ADGRL4: variants seen among roughly 807,000 people sequenced by gnomAD.
ADGRL4 encodes adhesion G protein-coupled receptor L4, also known as EGF, latrophilin and seven transmembrane domain containing 1.
A neutral mutation model predicts 74.8 loss-of-function variants in ADGRL4; 90 were observed. The observed-to-expected ratio is 1.20, with a 90% confidence interval of 1.02 to 1.43. The LOEUF is 1.43. Ranked by LOEUF, ADGRL4 falls within the 40% of genes most tolerant of loss-of-function variation. The pLI, the probability that ADGRL4 is intolerant of heterozygous loss-of-function variation, is 0.00. For synonymous variants in ADGRL4, 311 were observed against 279.2 expected (o/e 1.11, Z -1.14); for missense variants, 881 against 814.3 (o/e 1.08, Z -1.00).
chr1:78,946,190 A>T (rs909052327), intron 3 of ADGRL4, 84 bp downstream of exon 3: 4 of 1,088,230 alleles, frequency 3.7e-6, no homozygotes, highest in Non-Finnish European at 5.1e-6. Flanking sequence ...GGTCTGGCAG[A>T]ATTTGGTTTG....
rs762025551 is a variant in ADGRL4 at position 78,939,167 on chromosome 1, A to C, written c.396+21T>G. ...AAACCAAAATGTCAAAATAAAATAA[A>C]TTGTTAACTGTTCTACTTACTTTTG... On this transcript the variant is annotated intron_variant, in intron 4 of 14. Coordinates refer to ENST00000370742, the MANE Select transcript of ADGRL4 (RefSeq NM_022159.4). 6.7e-5 allele frequency: 103 copies of C among 1,539,398 alleles called. 1 individual carries two copies. The South Asian group carries it at 1.3e-3, about 19-fold the overall frequency.
At chr1:78,967,851 T>C (rs1017983165) in intron 2 of ADGRL4, among the ~76,000 whole-genome samples, 5 of 150,188 alleles carry the variant, frequency 3.3e-5, no homozygotes, top group Non-Finnish European at 5.9e-5. Flanking sequence ...TAATAACTTA[T>C]GGTGATCTGG....
At chr1:78,983,406 A>C (rs934419860) in intron 2 of ADGRL4, among the ~76,000 whole-genome samples, 2 of 151,760 alleles carry the variant, frequency 1.3e-5, no homozygotes, top group Admixed American at 1.3e-4. Flanking sequence ...GGTTCTATTA[A>C]AAAAGACTCA....
intron 2 of ADGRL4, among the ~76,000 whole-genome samples, chr1:78,966,839 T>G (rs1410233619): frequency 6.6e-6 from 1 of 151,886 alleles, no homozygotes; most frequent in Non-Finnish European, 1.5e-5. Context: ...AGCAGTTAAC[T>G]TTTAAGCTAG....
intron 7 of ADGRL4, among the ~76,000 whole-genome samples, chr1:78,932,040 G>A (rs1649253874): frequency 6.6e-6 from 1 of 151,386 alleles, no homozygotes; most frequent in South Asian, 2.1e-4. Flanking sequence ...AATAAACAAG[G>A]ATAATCAGGA....
chr1:79,000,313 T>C (rs1650815127), intron 2 of ADGRL4, among the ~76,000 whole-genome samples: 1 of 152,196 alleles, frequency 6.6e-6, no homozygotes, highest in Non-Finnish European at 1.5e-5. Context: ...ACCTGATTAA[T>C]TCTTGGTAAT....
intron 2 of ADGRL4, among the ~76,000 whole-genome samples, chr1:78,978,363 T>C (rs1219767829): frequency 1.3e-5 from 2 of 151,944 alleles, no homozygotes; most frequent in Non-Finnish European, 2.9e-5. Context: ...GTTTTGTAAA[T>C]GTATTGTCTA....
chr1:78,919,607 C>T (rs1263461671), intron 10 of ADGRL4, among the ~76,000 whole-genome samples: 1 of 151,886 alleles, frequency 6.6e-6, no homozygotes, highest in Admixed American at 6.6e-5. Flanking sequence ...CCTCTCTCTT[C>T]CCATTTGCTC....
chr1:78,940,559 G>A (rs943269640), intron 3 of ADGRL4, among the ~76,000 whole-genome samples: 1 of 152,024 alleles, frequency 6.6e-6, no homozygotes, highest in Non-Finnish European at 1.5e-5. Context: ...CTAGAGAAAA[G>A]ATTCTAAGGA....
At chr1:78,950,866 G>C (rs1474013398) in intron 2 of ADGRL4, among the ~76,000 whole-genome samples, 3 of 152,154 alleles carry the variant, frequency 2.0e-5, no homozygotes, top group Non-Finnish European at 2.9e-5. Context: ...ACAGGGAGAA[G>C]CAGAGGAGGA....
chr1:78,920,102 CA>C (rs1236439590), intron 10 of ADGRL4, 80 bp downstream of exon 10: 1 of 1,067,198 alleles, frequency 9.4e-7, no homozygotes, highest in African/African-American at 1.6e-5. Context: ...CCCTAAATTA[CA>C]AATAATGTTT....
chr1:78,925,682 A>G (rs1649095563), intron 8 of ADGRL4, among the ~76,000 whole-genome samples: 1 of 152,064 alleles, frequency 6.6e-6, no homozygotes, highest in Non-Finnish European at 1.5e-5. Context: ...TGGAAAATAT[A>G]TTTGAGCAGA....
chr1:78,978,330 G>T (rs946768429), intron 2 of ADGRL4, among the ~76,000 whole-genome samples: 31 of 151,940 alleles, frequency 2.0e-4, no homozygotes, highest in African/African-American at 7.5e-4. Context: ...TGTCATTACT[G>T]AACTTTCACT....
At chr1:78,968,911 T>C (rs553845106) in intron 2 of ADGRL4, among the ~76,000 whole-genome samples, 1 of 152,328 alleles carries the variant, frequency 6.6e-6, no homozygotes, top group Non-Finnish European at 1.5e-5. Flanking sequence ...TTGATTTTAA[T>C]ATTGGAATAA....
At chr1:78,918,323 G>A (rs564963461) in intron 10 of ADGRL4, among the ~76,000 whole-genome samples, 26 of 151,930 alleles carry the variant, frequency 1.7e-4, no homozygotes, top group African/African-American at 5.8e-4. Context: ...TTTATCTTAT[G>A]TGATAAATTG....
intron 2 of ADGRL4, among the ~76,000 whole-genome samples, chr1:78,955,415 G>C (rs889547189): frequency 1.3e-5 from 2 of 151,934 alleles, no homozygotes; most frequent in Non-Finnish European, 2.9e-5. Context: ...TTACTTGTTT[G>C]CTTCCCAAGC....
At chr1:78,948,429 T>A (rs1473060295) in intron 2 of ADGRL4, among the ~76,000 whole-genome samples, 1 of 152,052 alleles carries the variant, frequency 6.6e-6, no homozygotes, top group East Asian at 1.9e-4. Context: ...ATTTAAAAAA[T>A]TTTAAAAGCA....
chr1:78,986,539 A>G (rs1376062473), intron 2 of ADGRL4, among the ~76,000 whole-genome samples: 1 of 151,902 alleles, frequency 6.6e-6, no homozygotes, highest in Non-Finnish European at 1.5e-5. Flanking sequence ...TGAACTCAGG[A>G]GTTCAAGGCT....
At position 78,917,911 on chromosome 1, in the gene ADGRL4, T is replaced by A; in HGVS notation, c.1601A>T (p.Tyr534Phe). 6.2e-7 allele frequency: 1 copy of A among 1,612,710 alleles called. No individual in the cohort carries two copies. Among genetic ancestry groups the A allele is most frequent in the South Asian group, 1.1e-5 (1 of 91,052 alleles). The stretch of plus-strand genomic sequence containing the variant: ...GGCTGGGCTTAGATAGCCAAAGATA[T>A]AAAAATTCTTGTGCAAAAATCCCTT... ...YNKGFLHKNF[Y>F]IFGYLSPAVV... Residue 534 changes from tyrosine (Y) to phenylalanine (F), a missense_variant, in exon 11 of 15, where the codon TAT (tyrosine) becomes TTT (phenylalanine). Tyr to Phe is a conservative substitution (Grantham distance 22). Transcript: ENST00000370742.
Sources: gnomAD v4.1 joint callset for allele counts (sites outside exome capture counted in the v4.1 genomes callset) on GRCh38, gnomAD v4.1.1 for gene constraint, MANE v1.5 for transcripts, NCBI Gene and HGNC (gene_info 2026-07-23, HGNC 2026-07-21) for gene names.